Variants in SPOCK1 observed in about 807,000 individuals in gnomAD.
The protein encoded by SPOCK1 is testican-1.
SPOCK1 carries 23 observed loss-of-function variants against 55.3 expected under a neutral mutation model. That is an observed-to-expected ratio of 0.42 (90% confidence interval 0.30 to 0.59). The LOEUF is 0.59. Among genes scored for constraint, SPOCK1 ranks in the 20% least tolerant of loss-of-function variants. SPOCK1 has a pLI of 0.22. For missense variants in SPOCK1, 499 were observed against 552.5 expected, an observed-to-expected ratio of 0.90 and a Z score of 0.97; for synonymous variants, 226 against 221.0, an observed-to-expected ratio of 1.02 and a Z score of -0.20.
At chr5:137,485,866 G>A (rs911452334) in intron 2 of SPOCK1, among the ~76,000 whole-genome samples, 1 of 152,178 alleles carries the variant, frequency 6.6e-6, no homozygotes, top group Non-Finnish European at 1.5e-5. Flanking sequence ...ACTGCCAGGG[G>A]CATGAGATGG....
intron 3 of SPOCK1, among the ~76,000 whole-genome samples, chr5:137,213,061 A>C (rs184816965): frequency 6.6e-6 from 1 of 152,174 alleles, no homozygotes; most frequent in South Asian, 2.1e-4. Context: ...GGAAGGAGAA[A>C]GCCCAATGCA....
chr5:137,178,006 C>T lies in SPOCK1; in HGVS notation c.233-37312G>A, dbSNP rs760382058. Among the ~76,000 whole-genome samples the T allele has an allele frequency of 3.9e-5, 6 of 152,184 alleles. No individual in the cohort carries two copies. The East Asian group carries it at 5.8e-4, about 15-fold the overall frequency. On this transcript the variant is annotated intron_variant, in intron 3 of 10. Transcript: ENST00000394945. The stretch of plus-strand genomic sequence containing the variant: ...GTTGAGAGGAAAATGTGCCTGACAC[C>T]GGCTTCCTTCAGGAAATCTCCTCCA...
intron 2 of SPOCK1, among the ~76,000 whole-genome samples, chr5:137,428,136 G>C (rs1296699720): frequency 6.6e-6 from 1 of 152,118 alleles, no homozygotes; most frequent in East Asian, 1.9e-4. Flanking sequence ...GGCCACTGTA[G>C]ACATACCAAT....
chr5:137,108,113 T>C (rs933282412), intron 5 of SPOCK1, among the ~76,000 whole-genome samples: 2 of 152,196 alleles, frequency 1.3e-5, no homozygotes, highest in Non-Finnish European at 2.9e-5. Context: ...ACTAATTCAC[T>C]CTTACTAATT....
intron 5 of SPOCK1, among the ~76,000 whole-genome samples, chr5:137,075,484 C>T (rs4976401): frequency 0.78 from 119,445 of 152,194 alleles, 48,577 homozygotes; most frequent in South Asian, 0.9. Context: ...GCCAAGTGAT[C>T]CAGGTTTTCC....
chr5:136,979,296 G>C (rs201374496), intron 10 of SPOCK1, 36 bp downstream of exon 10: 3 of 1,612,884 alleles, frequency 1.9e-6, no homozygotes, highest in African/African-American at 2.7e-5. Flanking sequence ...AGGCCACCCA[G>C]GTCATTGTGG....
At chr5:136,979,066 T>A (rs1454572773) in intron 10 of SPOCK1, among the ~76,000 whole-genome samples, 1 of 152,204 alleles carries the variant, frequency 6.6e-6, no homozygotes, top group African/African-American at 2.4e-5. Context: ...CCAGGAGGTT[T>A]ACAACCCTAA....
At chr5:137,034,308 C>T (rs185128306) in intron 6 of SPOCK1, among the ~76,000 whole-genome samples, 1 of 152,314 alleles carries the variant, frequency 6.6e-6, no homozygotes, top group Admixed American at 6.5e-5. Flanking sequence ...TCTCCACCCA[C>T]TTATTGGTGG....
At chr5:137,243,274 C>T (rs376472010) in intron 3 of SPOCK1, among the ~76,000 whole-genome samples, 121 of 152,238 alleles carry the variant, frequency 7.9e-4, no homozygotes, top group African/African-American at 2.6e-3. Context: ...TGCCCATAAT[C>T]GGCGGCTATT....
chr5:137,194,472 G>C (rs570187830), intron 3 of SPOCK1, among the ~76,000 whole-genome samples: 2 of 152,128 alleles, frequency 1.3e-5, no homozygotes, highest in Non-Finnish European at 2.9e-5. Flanking sequence ...GCAGAGTGGC[G>C]GGTGGAAAGT....
At position 137,294,305 on chromosome 5, in the gene SPOCK1, T is replaced by C. The variant is rs73789903; in HGVS notation, c.187-27250A>G. 2.8e-3 allele frequency among the ~76,000 whole-genome samples: 419 copies of C among 152,312 alleles called. 5 individuals carry two copies. The highest frequency in any genetic ancestry group is 9.4e-3 in the African/African-American group (390 of 41,556). ...TACAGCAATTTCCTATATTAATAGA[T>C]ACAGGCAAAATGGCTTGGATTGAGT... On this transcript the variant is annotated intron_variant, in intron 2 of 10. Coordinates refer to ENST00000394945, the MANE Select transcript of SPOCK1 (RefSeq NM_004598.4).
intron 2 of SPOCK1, among the ~76,000 whole-genome samples, chr5:137,443,628 A>T (rs964088342): frequency 4.6e-5 from 7 of 151,812 alleles, no homozygotes; most frequent in Non-Finnish European, 1.0e-4. Context: ...ACAAACTTCA[A>T]CTGCACCCCT....
In SPOCK1 at chr5:136,977,715, G is replaced by T; in HGVS notation, c.*939C>A. The T allele has an allele frequency of 5.0e-6, 2 of 398,628 alleles. No homozygotes were observed. The highest frequency in any genetic ancestry group is 2.6e-4 in the South Asian group (2 of 7,730). The allele number at this position is 398,628 out of a possible 1,614,324, so 24.7% of individuals were successfully genotyped here. A position where few individuals can be genotyped will look rare whatever the true frequency, so the allele number is the denominator to read the frequency against. ...CGTGTGGGAGTCGCATGGCTTCTGC[G>T]AGAAAAGTGATTTAGGCAGACGGAG... On this transcript the variant is annotated 3_prime_UTR_variant, in exon 11 of 11. Coordinates refer to ENST00000394945, the MANE Select transcript of SPOCK1 (RefSeq NM_004598.4).
intron 3 of SPOCK1, among the ~76,000 whole-genome samples, chr5:137,203,399 C>A (rs1228029269): frequency 6.6e-6 from 1 of 151,850 alleles, no homozygotes; most frequent in Non-Finnish European, 1.5e-5. Context: ...GAACATTTCC[C>A]CAAATTAGGG....
At chr5:137,279,110 T>C (rs1294784932) in intron 2 of SPOCK1, among the ~76,000 whole-genome samples, 1 of 152,120 alleles carries the variant, frequency 6.6e-6, no homozygotes, top group Non-Finnish European at 1.5e-5. Flanking sequence ...CTATAAGCAC[T>C]GGGGAGCCCC....
At chr5:137,140,796 T>C in intron 3 of SPOCK1, 102 bp from the exon 4 acceptor site, 1 of 723,520 alleles carries the variant, frequency 1.4e-6, no homozygotes, top group Admixed American at 3.5e-5. Flanking sequence ...TCTCGCTGTG[T>C]TGCCCAGACT....
At chr5:137,040,535 C>T (rs765824779) in intron 6 of SPOCK1, among the ~76,000 whole-genome samples, 5 of 152,194 alleles carry the variant, frequency 3.3e-5, no homozygotes, top group Non-Finnish European at 7.3e-5. Context: ...TTTAGCAATA[C>T]CCAATTTGCC....
intron 5 of SPOCK1, among the ~76,000 whole-genome samples, chr5:137,083,829 G>C (rs549753614): frequency 6.6e-6 from 1 of 151,954 alleles, no homozygotes; most frequent in Non-Finnish European, 1.5e-5. Flanking sequence ...CCAGGCTCCT[G>C]TCCCTCCAGT....
intron 4 of SPOCK1, among the ~76,000 whole-genome samples, chr5:137,116,200 A>G (rs181857471): frequency 1.4e-3 from 216 of 152,332 alleles, no homozygotes; most frequent in Non-Finnish European, 2.6e-3. Context: ...CAGATAATCA[A>G]CAGATCACTG....
Sources: allele counts gnomAD v4.1 joint callset (sites outside exome capture counted in the v4.1 genomes callset), GRCh38; gene constraint gnomAD v4.1.1; transcripts MANE v1.5; gene names NCBI Gene and HGNC (gene_info 2026-07-23, HGNC 2026-07-21).